The following SPAG16 variants were observed in gnomAD, a reference collection of about 807,000 sequenced individuals.
SPAG16 encodes sperm-associated antigen 16 protein.
In SPAG16, 86 loss-of-function variants were observed where a neutral mutation model predicts 80.4. The observed-to-expected ratio is 1.07, with a 90% CI of 0.90 to 1.28. The LOEUF is 1.28. Ranked by LOEUF, SPAG16 falls within the 50% of genes most tolerant of loss-of-function variation. The pLI, the probability that SPAG16 is intolerant of heterozygous loss-of-function variation, is 0.00. For missense variants in SPAG16, 870 were observed against 765.3 expected (o/e 1.14, Z -1.61); for synonymous variants, 294 against 265.9 (o/e 1.11, Z -1.03).
intron 10 of SPAG16, among the ~76,000 whole-genome samples, chr2:213,826,803 T>C (rs1235296526): frequency 1.3e-5 from 2 of 152,164 alleles, no homozygotes; most frequent in Non-Finnish European, 2.9e-5. Context: ...TGATTTTCTG[T>C]CTGGGAGATC....
rs73989438 is a variant in SPAG16, at chr2:214,341,694, C to T, written c.1721-68446C>T. Among the ~76,000 whole-genome samples, 550 of 152,236 alleles carry T rather than the reference C, an allele frequency of 3.6e-3. 4 individuals are homozygous for T. The highest frequency in any genetic ancestry group is 0.012 in the African/African-American group (515 of 41,550). On this transcript the variant is annotated intron_variant, in intron 15 of 15. Coordinates refer to ENST00000331683, the MANE Select transcript of SPAG16 (RefSeq NM_024532.5). ...TCTGGAGCCAGCCAACTTATCAACC[C>T]TGAAGCAATATCAGGATAAGCACAT... is the stretch of plus-strand genomic sequence containing the variant.
chr2:213,821,734 T>G (rs1470190929), intron 10 of SPAG16, among the ~76,000 whole-genome samples: 1 of 152,148 alleles, frequency 6.6e-6, no homozygotes, highest in African/African-American at 2.4e-5. Flanking sequence ...TGGTAACCAT[T>G]TTTCTACTAT....
chr2:213,426,468 C>A (rs1287095171), intron 9 of SPAG16, among the ~76,000 whole-genome samples: 1 of 151,574 alleles, frequency 6.6e-6, no homozygotes, highest in African/African-American at 2.4e-5. Context: ...AGCTTGCAAT[C>A]TAATGATTCT....
chr2:214,398,269 A>G (rs555172535), intron 15 of SPAG16, among the ~76,000 whole-genome samples: 2 of 152,212 alleles, frequency 1.3e-5, no homozygotes, highest in Non-Finnish European at 2.9e-5. Flanking sequence ...TGTGTGATAA[A>G]TATATTTGTT....
chr2:213,886,751 C>A (rs2076571315), intron 11 of SPAG16, among the ~76,000 whole-genome samples: 1 of 151,162 alleles, frequency 6.6e-6, no homozygotes, highest in African/African-American at 2.4e-5. Context: ...AAAAAAAAAA[C>A]TTGGAAATCA....
At chr2:213,378,925 G>C (rs919023453) in intron 9 of SPAG16, among the ~76,000 whole-genome samples, 14 of 152,100 alleles carry the variant, frequency 9.2e-5, no homozygotes, top group African/African-American at 3.4e-4. Context: ...CATACTCTTT[G>C]CTACCTCCAT....
At chr2:213,603,586 A>G (rs1416846419) in intron 10 of SPAG16, among the ~76,000 whole-genome samples, 1 of 152,220 alleles carries the variant, frequency 6.6e-6, no homozygotes, top group African/African-American at 2.4e-5. Flanking sequence ...TAGATCTTAT[A>G]TCCACATAGA....
intron 15 of SPAG16, among the ~76,000 whole-genome samples, chr2:214,257,885 T>A (rs1690811753): frequency 1.3e-5 from 2 of 152,116 alleles, no homozygotes; most frequent in South Asian, 4.1e-4. Flanking sequence ...ATTGATGCTA[T>A]TTCTTCCTTA....
chr2:213,921,722 T>A (rs546182447), intron 11 of SPAG16, among the ~76,000 whole-genome samples: 1 of 152,348 alleles, frequency 6.6e-6, no homozygotes, highest in Admixed American at 6.5e-5. Flanking sequence ...GTAAGGCAGT[T>A]CTGGTGGTAA....
intron 12 of SPAG16, among the ~76,000 whole-genome samples, chr2:213,991,872 T>TTTATTTAG (rs2046299176): frequency 6.6e-6 from 1 of 150,598 alleles, no homozygotes. Flanking sequence ...TATTTATTTA[T>TTTATTTAG]TTATTTATTT....
intron 10 of SPAG16, among the ~76,000 whole-genome samples, chr2:213,631,284 G>A (rs2062142179): frequency 6.6e-6 from 1 of 152,146 alleles, no homozygotes; most frequent in Admixed American, 6.6e-5. Flanking sequence ...GGACTATGTA[G>A]TTGTGAACAG....
intron 13 of SPAG16, among the ~76,000 whole-genome samples, chr2:214,080,053 G>A (rs894132047): frequency 1.3e-5 from 2 of 151,990 alleles, no homozygotes; most frequent in African/African-American, 4.8e-5. Flanking sequence ...AAATATCTCA[G>A]TTTGTCCATC....
intron 10 of SPAG16, among the ~76,000 whole-genome samples, chr2:213,529,793 G>A (rs1270720951): frequency 6.6e-6 from 1 of 152,156 alleles, no homozygotes; most frequent in Non-Finnish European, 1.5e-5. Context: ...TCCCATGAAT[G>A]GAGCATGCAA....
intron 6 of SPAG16, among the ~76,000 whole-genome samples, chr2:213,342,211 G>T (rs2064720882): frequency 1.3e-5 from 2 of 151,112 alleles, no homozygotes; most frequent in East Asian, 1.9e-4. Flanking sequence ...TCTGTGTGTT[G>T]TATGTATTTA....
chr2:213,936,139 G>A (rs1335631091), intron 12 of SPAG16, among the ~76,000 whole-genome samples: 1 of 152,050 alleles, frequency 6.6e-6, no homozygotes, highest in Non-Finnish European at 1.5e-5. Flanking sequence ...GCAGATACTT[G>A]GGAGGAGAAT....
rs144854983 is a variant in SPAG16 at position 213,340,228 on chromosome 2, G to C, written c.602G>C (p.Arg201Pro). The C allele has an allele frequency of 1.2e-6, 2 of 1,611,892 alleles. No individual in the cohort carries two copies. The highest frequency in any genetic ancestry group is 2.7e-5 in the African/African-American group (2 of 74,746). ...GATTTTCATCGAATGCATCATAAGC[G>C]AATAGTCCAGGAAAAAAACAAATTA... ...ERDFHRMHHKRIVQEKNKLIN... is the reference protein window; with the variant it reads ...ERDFHRMHHKPIVQEKNKLIN... The change falls in exon 6 of 16, where the codon CGA becomes CCA. Residue 201 changes from arginine (R) to proline (P), a missense_variant. By Grantham distance (103) the Arg-to-Pro change is moderately radical. Transcript: ENST00000331683.
At chr2:213,620,876 T>C (rs6730907) in intron 10 of SPAG16, among the ~76,000 whole-genome samples, 1 of 152,182 alleles carries the variant, frequency 6.6e-6, no homozygotes, top group Non-Finnish European at 1.5e-5. Context: ...TTTAAGTGCT[T>C]AAGAAATTGA....
intron 10 of SPAG16, among the ~76,000 whole-genome samples, chr2:213,591,730 G>A (rs2060698889): frequency 6.6e-6 from 1 of 152,180 alleles, no homozygotes; most frequent in Non-Finnish European, 1.5e-5. Context: ...CAAGGGGTCA[G>A]CGGATGGAAA....
intron 14 of SPAG16, among the ~76,000 whole-genome samples, chr2:214,118,276 A>G (rs555069186): frequency 6.6e-6 from 1 of 152,218 alleles, no homozygotes; most frequent in Non-Finnish European, 1.5e-5. Flanking sequence ...GTTTAAACAA[A>G]AACATGAAAT....
Sources: gnomAD v4.1 joint callset for allele counts (sites outside exome capture counted in the v4.1 genomes callset) on GRCh38, gnomAD v4.1.1 for gene constraint, MANE v1.5 for transcripts, NCBI Gene and HGNC (gene_info 2026-07-23, HGNC 2026-07-21) for gene names.